The following USP45 variants were observed in gnomAD, a reference collection of about 807,000 sequenced individuals.
USP45 encodes the protein ubiquitin carboxyl-terminal hydrolase 45.
A neutral mutation model predicts 95.8 loss-of-function variants in USP45; 89 were observed. The observed-to-expected ratio is 0.93, with a 90% confidence interval of 0.78 to 1.11. The LOEUF is 1.11. Among genes scored for constraint, USP45 ranks in the 50% least tolerant of loss-of-function variants. The pLI is 0.00. For missense variants in USP45, 898 were observed against 942.5 expected, an observed-to-expected ratio of 0.95 and a Z score of 0.62; for synonymous variants, 281 against 316.2, an observed-to-expected ratio of 0.89 and a Z score of 1.18.
At chr6:99,515,736 C>T (rs1801042239), upstream of USP45, among the ~76,000 whole-genome samples, 2 of 151,792 alleles carry the variant, frequency 1.3e-5, no homozygotes, top group African/African-American at 2.4e-5. Context: ...TCTGAAACAG[C>T]CTCCGATTTC....
chr6:99,507,813 G>T (rs1798863421), intron 3 of USP45, among the ~76,000 whole-genome samples: 1 of 152,160 alleles, frequency 6.6e-6, no homozygotes, highest in South Asian at 2.1e-4. Context: ...ATCCTGGCAG[G>T]CCAGTGGTGC....
In USP45 at chr6:99,445,782, T is replaced by C. The variant is rs971613488; in HGVS notation, c.1975+15A>G. The C allele has an allele frequency of 2.2e-5, 34 of 1,520,472 alleles. No individual in the cohort carries two copies. The highest frequency in any genetic ancestry group is 3.0e-5 in the Non-Finnish European group (34 of 1,138,020). The allele number at this position is 1,520,472 out of a possible 1,614,324, so 94.2% of individuals were successfully genotyped here. ...ATCAGGAGATCAATAATTATGTAAT[T>C]AAAAAAATAATTACCTGCAAAACTG... On this transcript the variant is annotated intron_variant, in intron 14 of 17. Transcript: ENST00000500704.
intron 7 of USP45, among the ~76,000 whole-genome samples, chr6:99,486,832 T>TAC (rs950462515): frequency 2.6e-5 from 4 of 151,206 alleles, no homozygotes; most frequent in Admixed American, 6.6e-5. Context: ...CTTACACACT[T>TAC]ACACACACAC....
rs1458303458 is a variant in USP45, at chr6:99,484,002, T to C, written c.715-1119A>G. Reference sequence around the variant, plus strand: ...AGAAAGGACAGGCTATAATTTTCCATAGTTTTTTTTTTTTTTTTTTTTTAA... The same window carrying C: ...AGAAAGGACAGGCTATAATTTTCCACAGTTTTTTTTTTTTTTTTTTTTTAA... On this transcript the variant is annotated intron_variant, in intron 7 of 17. Transcript: ENST00000500704. 2.6e-5 allele frequency among the ~76,000 whole-genome samples: 3 copies of C among 116,578 alleles called. No homozygotes were observed. The East Asian group carries it at 7.7e-4, about 30-fold the overall frequency. The allele number at this position is 116,578 out of a possible 152,430, so 76.5% of individuals were successfully genotyped here.
chr6:99,478,680 A>G (rs1365274662), intron 8 of USP45, among the ~76,000 whole-genome samples: 2 of 152,182 alleles, frequency 1.3e-5, no homozygotes, highest in African/African-American at 4.8e-5. Flanking sequence ...CAGCCATAAA[A>G]AAGAACAAAA....
chr6:99,458,953 G>T (rs1010714979), intron 13 of USP45, among the ~76,000 whole-genome samples: 14 of 152,166 alleles, frequency 9.2e-5, no homozygotes, highest in Admixed American at 8.5e-4. Flanking sequence ...ATAAGTCACA[G>T]ACTTGTTTTT....
intron 5 of USP45, among the ~76,000 whole-genome samples, chr6:99,494,375 T>C (rs1795847067): frequency 6.6e-6 from 1 of 152,196 alleles, no homozygotes; most frequent in Admixed American, 6.5e-5. Flanking sequence ...AAGCCTATAA[T>C]CTGAGTCCTC....
chr6:99,508,664 A>C lies in USP45; in HGVS notation c.219T>G (p.Asp73Glu), dbSNP rs1216854024. 1 of 1,613,814 alleles carries C rather than the reference A, an allele frequency of 6.2e-7. No individual in the cohort carries two copies. The highest frequency in any genetic ancestry group is 8.5e-7 in the Non-Finnish European group (1 of 1,179,980). The change falls in exon 3 of 18, where the codon GAT (aspartate) becomes GAG (glutamate). Residue 73 changes from aspartate (D) to glutamate (E), a missense_variant. Physicochemically the swap from Asp to Glu is conservative, Grantham distance 45. Coordinates refer to ENST00000500704, the MANE Select transcript of USP45 (RefSeq NM_001346022.3). ...SECLKERRFY[D>E]GQLVLTSDIW... Reference sequence around the variant, plus strand: ...TATCAGAAGTAAGTACTAGCTGCCCATCATAGAATCTTCTTTCTTTTAAAC... The same window carrying C: ...TATCAGAAGTAAGTACTAGCTGCCCCTCATAGAATCTTCTTTCTTTTAAAC...
chr6:99,502,863 T>C (rs1797692362), intron 5 of USP45, among the ~76,000 whole-genome samples: 1 of 152,186 alleles, frequency 6.6e-6, no homozygotes, highest in Non-Finnish European at 1.5e-5. Flanking sequence ...ATGTAAGACG[T>C]GCCTGCTTCC....
At chr6:99,516,258 C>T (rs986920319), upstream of USP45, among the ~76,000 whole-genome samples, 1 of 152,162 alleles carries the variant, frequency 6.6e-6, no homozygotes, top group South Asian at 2.1e-4. Context: ...TTGAAGTGGC[C>T]AGCACATTGC....
At chr6:99,496,295 C>CT (rs201745902) in intron 5 of USP45, among the ~76,000 whole-genome samples, 220 of 150,928 alleles carry the variant, frequency 1.5e-3, no homozygotes, top group African/African-American at 4.8e-3. Context: ...CATGTATCAC[C>CT]TTTTTTTTTA....
chr6:99,440,092 T>C (rs1414825815), intron 15 of USP45, among the ~76,000 whole-genome samples: 4 of 152,212 alleles, frequency 2.6e-5, no homozygotes, highest in Non-Finnish European at 5.9e-5. Context: ...GAATAGTTAC[T>C]TTCATTATGG....
At chr6:99,473,059 G>A (rs1018132408) in intron 9 of USP45, among the ~76,000 whole-genome samples, 4 of 151,548 alleles carry the variant, frequency 2.6e-5, no homozygotes, top group Admixed American at 2.6e-4. Flanking sequence ...CACAATGTAG[G>A]TAAAACAACA....
intron 5 of USP45, among the ~76,000 whole-genome samples, chr6:99,491,581 G>A (rs1211128277): frequency 1.3e-5 from 2 of 152,092 alleles, no homozygotes; most frequent in East Asian, 1.9e-4. Context: ...CAGGTTAAGT[G>A]ATATGCCCAA....
chr6:99,507,386 G>A (rs1379254322), intron 4 of USP45, 42 bp downstream of exon 4: 2 of 1,220,938 alleles, frequency 1.6e-6, no homozygotes, highest in Non-Finnish European at 2.3e-6. Flanking sequence ...AAATTGGGGG[G>A]CTGTGGTTAG....
At chr6:99,511,930 T>A (rs1466798955) in intron 1 of USP45, among the ~76,000 whole-genome samples, 1 of 148,562 alleles carries the variant, frequency 6.7e-6, no homozygotes, top group Non-Finnish European at 1.5e-5. Flanking sequence ...TCTTGACAGT[T>A]CATCCCTAAA....
intron 8 of USP45, 49 bp downstream of exon 8, chr6:99,482,704 T>C (rs751432177): frequency 2.0e-6 from 3 of 1,517,628 alleles, no homozygotes; most frequent in South Asian, 2.7e-5. Context: ...ATGAATACAT[T>C]AGTATTTTGT....
intron 1 of USP45, 133 bp from the exon 2 acceptor site, chr6:99,510,363 G>C: frequency 1.6e-6 from 1 of 616,714 alleles, no homozygotes; most frequent in Non-Finnish European, 2.8e-6. Flanking sequence ...AGGAAGAAGA[G>C]GGGAACATCA....
At chr6:99,500,430 C>T (rs1425140527) in intron 5 of USP45, among the ~76,000 whole-genome samples, 1 of 152,146 alleles carries the variant, frequency 6.6e-6, no homozygotes, top group Non-Finnish European at 1.5e-5. Context: ...ACCTCAAAGC[C>T]ATGTACTTTC....
Sources: gnomAD v4.1 joint callset for allele counts (sites outside exome capture counted in the v4.1 genomes callset) on GRCh38, gnomAD v4.1.1 for gene constraint, MANE v1.5 for transcripts, NCBI Gene and HGNC (gene_info 2026-07-23, HGNC 2026-07-21) for gene names.